TMEM50B: variants seen among roughly 807,000 people sequenced by gnomAD.
TMEM50B encodes transmembrane protein 50B.
Under a neutral mutation model 23.4 loss-of-function variants are expected in TMEM50B, and 14 were observed. The observed-to-expected ratio is 0.60, with a 90% CI of 0.39 to 0.93. The LOEUF is 0.93. Among genes scored for constraint, TMEM50B ranks in the 40% least tolerant of loss-of-function variants. The probability of loss-of-function intolerance (pLI) is 0.00; values close to 1 mark genes in which losing one functional copy is unlikely to be tolerated. For synonymous variants in TMEM50B, 64 were observed against 62.3 expected (o/e 1.03, Z -0.13); for missense variants, 159 against 193.0 (o/e 0.82, Z 1.04).
At chr21:33,436,939 G>A (rs2083960442) in intron 8 of TMEM50B, 1 of 1,613,956 alleles carries the variant, frequency 6.2e-7, no homozygotes, top group Non-Finnish European at 8.5e-7. Flanking sequence ...AAAGGAGCAA[G>A]AAGATGTTCT....
intron 1 of TMEM50B, among the ~76,000 whole-genome samples, chr21:33,476,984 G>A (rs987162327): frequency 4.0e-5 from 6 of 151,578 alleles, no homozygotes; most frequent in African/African-American, 1.5e-4. Flanking sequence ...CCAAACAACG[G>A]TATACCATGC....
intron 6 of TMEM50B, among the ~76,000 whole-genome samples, chr21:33,454,213 T>C (rs1406701874): frequency 2.0e-5 from 3 of 152,148 alleles, no homozygotes; most frequent in East Asian, 1.9e-4. Context: ...GGTTTATTTT[T>C]CCACTTACTT....
chr21:33,466,964 A>AT (rs746407991), intron 3 of TMEM50B, 46 bp downstream of exon 3: 3 of 1,524,626 alleles, frequency 2.0e-6, no homozygotes, highest in East Asian at 2.3e-5. Context: ...ACAGGAAAGT[A>AT]TTTTTAGAAA....
chr21:33,452,160 A>C (rs1429937159), intron 6 of TMEM50B, among the ~76,000 whole-genome samples: 1 of 152,242 alleles, frequency 6.6e-6, no homozygotes. Flanking sequence ...AAATGTCTTC[A>C]TAACAACTTA....
chr21:33,450,925 A>G (rs2084114067), intron 6 of TMEM50B, 62 bp from the exon 7 acceptor site: 3 of 1,400,404 alleles, frequency 2.1e-6, no homozygotes, highest in South Asian at 1.2e-5. Context: ...CACAGAATTC[A>G]TTTTCTCAAT....
At chr21:33,440,612 G>A (rs1010724721) in intron 7 of TMEM50B, among the ~76,000 whole-genome samples, 2 of 151,308 alleles carry the variant, frequency 1.3e-5, no homozygotes, top group Non-Finnish European at 2.9e-5. Flanking sequence ...GCCGGGTGCG[G>A]GGGCTCACGC....
At chr21:33,479,426 C>T (rs2084405870) in intron 1 of TMEM50B, 1 of 152,320 alleles carries the variant, frequency 6.6e-6, no homozygotes. Context: ...GCTCCGGCCT[C>T]GGGAGGGCGT....
intron 1 of TMEM50B, chr21:33,469,783 A>C (rs190465939): frequency 7.0e-4 from 107 of 152,356 alleles, no homozygotes; most frequent in African/African-American, 2.5e-3. Flanking sequence ...AGACACTTTT[A>C]GGTAACTGCT....
chr21:33,437,453 C>G (rs1232308341), intron 8 of TMEM50B: 1 of 155,308 alleles, frequency 6.4e-6, no homozygotes, highest in African/African-American at 2.4e-5. Context: ...AAATATACTC[C>G]TAGTAATTTA....
chr21:33,461,280 G>A (rs2084214427), intron 4 of TMEM50B, among the ~76,000 whole-genome samples: 1 of 152,110 alleles, frequency 6.6e-6, no homozygotes, highest in African/African-American at 2.4e-5. Flanking sequence ...TTTGTTACCA[G>A]GGAAAAGATT....
At chr21:33,437,120 G>T in intron 8 of TMEM50B, 1 of 606,448 alleles carries the variant, frequency 1.6e-6, no homozygotes, top group East Asian at 3.0e-5. Context: ...TCATGGGGGT[G>T]ACAAGCTTTT....
intron 1 of TMEM50B, among the ~76,000 whole-genome samples, chr21:33,475,727 G>T (rs1398352272): frequency 6.6e-6 from 1 of 151,996 alleles, no homozygotes; most frequent in Non-Finnish European, 1.5e-5. Context: ...GGCCAAGGTG[G>T]GCAGATCATG....
chr21:33,447,292 GT>G (rs1375604480), downstream of TMEM50B, among the ~76,000 whole-genome samples: 2 of 152,004 alleles, frequency 1.3e-5, no homozygotes, highest in Non-Finnish European at 2.9e-5. Flanking sequence ...CTTGGGAAAG[GT>G]GCAACTAAAT....
chr21:33,474,810 ATAAAT>A (rs1391625112), intron 1 of TMEM50B, among the ~76,000 whole-genome samples: 8 of 77,298 alleles, frequency 1.0e-4, no homozygotes, highest in Admixed American at 1.5e-4. Context: ...AAATAAATAA[ATAAAT>A]AAAATAAAAT....
At chr21:33,454,875 G>A (rs892837816) in intron 6 of TMEM50B, among the ~76,000 whole-genome samples, 6 of 152,042 alleles carry the variant, frequency 3.9e-5, no homozygotes, top group Admixed American at 3.9e-4. Context: ...CCAGCACTTT[G>A]GGAGGCCGAG....
At chr21:33,479,041 A>C in intron 1 of TMEM50B, 1 of 319,564 alleles carries the variant, frequency 3.1e-6, no homozygotes, top group Non-Finnish European at 6.0e-6. Flanking sequence ...CGACCCAGGC[A>C]CGCGCAGCGG....
chr21:33,469,969 C>T (rs545287012), intron 1 of TMEM50B, among the ~76,000 whole-genome samples: 1 of 152,076 alleles, frequency 6.6e-6, no homozygotes, highest in Admixed American at 6.6e-5. Context: ...ATCTGTAACG[C>T]AGTAAGACAT....
chr21:33,455,706 T>C (rs1280394522), intron 6 of TMEM50B, 21 bp downstream of exon 6: 22 of 1,602,460 alleles, frequency 1.4e-5, no homozygotes, highest in Non-Finnish European at 1.9e-5. Context: ...ACAGGCGTGG[T>C]TAAAAAATAA....
At chr21:33,432,856 A>G (rs1317026582) in intron 8 of TMEM50B, 1 of 1,611,698 alleles carries the variant, frequency 6.2e-7, no homozygotes, top group African/African-American at 1.3e-5. Context: ...CAAGCATCCC[A>G]TTACAGATAG....
Sources: gnomAD v4.1 joint callset for allele counts (sites outside exome capture counted in the v4.1 genomes callset) on GRCh38, gnomAD v4.1.1 for gene constraint, MANE v1.5 for transcripts, NCBI Gene and HGNC (gene_info 2026-07-23, HGNC 2026-07-21) for gene names.